Variants in ARHGAP10 observed in about 807,000 individuals in gnomAD.
The protein encoded by ARHGAP10 is rho GTPase-activating protein 10.
In ARHGAP10, 87 loss-of-function variants were observed where a neutral mutation model predicts 108.6. The ratio of observed to expected loss-of-function variants is 0.80; its 90% confidence interval spans 0.67 to 0.96. The LOEUF is 0.96. Ranked by LOEUF, ARHGAP10 falls within the 40% of genes least tolerant of loss-of-function variation. The pLI is 0.00. For missense variants in ARHGAP10, 939 were observed against 954.5 expected (o/e 0.98, Z 0.21); for synonymous variants, 347 against 341.1 (o/e 1.02, Z -0.19).
chr4:148,066,155 C>T (rs967604461), intron 22 of ARHGAP10, among the ~76,000 whole-genome samples: 3 of 152,068 alleles, frequency 2.0e-5, no homozygotes, highest in African/African-American at 4.8e-5. Flanking sequence ...GTTTCCCTGG[C>T]GGGAGCGAGA....
At chr4:147,943,195 A>G (rs1366865456) in intron 14 of ARHGAP10, among the ~76,000 whole-genome samples, 2 of 152,222 alleles carry the variant, frequency 1.3e-5, no homozygotes, top group Non-Finnish European at 2.9e-5. Context: ...AGAAGAGGAA[A>G]TTGTGAGAAA....
At chr4:147,873,624 G>A (rs1280006844) in intron 7 of ARHGAP10, among the ~76,000 whole-genome samples, 1 of 150,444 alleles carries the variant, frequency 6.6e-6, no homozygotes. Context: ...CCAGGAGTTC[G>A]AGACCAGCCT....
At chr4:147,862,148 A>C (rs578204649) in intron 5 of ARHGAP10, 1 of 152,530 alleles carries the variant, frequency 6.6e-6, no homozygotes, top group African/African-American at 2.4e-5. Flanking sequence ...TGGCATCCAA[A>C]GTCCAGAGGG....
chr4:148,010,628 T>C lies in ARHGAP10; in HGVS notation c.1717-12635T>C, dbSNP rs909837340. The stretch of plus-strand genomic sequence containing the variant: ...CTTCATCCCTAAATATTTGAATATG[T>C]GTCTCCTAAAAACAAGGACAAATTC... On this transcript the variant is annotated intron_variant, in intron 18 of 22. Transcript: ENST00000336498. 3.3e-5 allele frequency among the ~76,000 whole-genome samples: 5 copies of C among 152,214 alleles called. No individual in the cohort carries two copies. The East Asian group carries it at 9.6e-4, about 29-fold the overall frequency.
chr4:147,865,864 G>A (rs957048428), intron 6 of ARHGAP10: 2 of 152,160 alleles, frequency 1.3e-5, no homozygotes, highest in South Asian at 2.1e-4. Flanking sequence ...ATAATGGCCT[G>A]CTTTTATTGG....
intron 1 of ARHGAP10, among the ~76,000 whole-genome samples, chr4:147,753,378 C>G (rs1309708541): frequency 6.8e-6 from 1 of 148,082 alleles, no homozygotes; most frequent in Non-Finnish European, 1.5e-5. Flanking sequence ...GAGACACAGT[C>G]TGTTGTCCAG....
chr4:147,787,791 T>A (rs1730952939), intron 1 of ARHGAP10, among the ~76,000 whole-genome samples: 1 of 151,946 alleles, frequency 6.6e-6, no homozygotes, highest in Admixed American at 6.6e-5. Context: ...TATGGAGTAG[T>A]AACAGAACCT....
chr4:148,017,771 T>C (rs908605229), intron 18 of ARHGAP10, among the ~76,000 whole-genome samples: 10 of 151,672 alleles, frequency 6.6e-5, no homozygotes, highest in African/African-American at 2.2e-4. Context: ...ATTAATTCAG[T>C]TCAATCAAAT....
chr4:148,001,546 G>A (rs779296384), intron 18 of ARHGAP10, among the ~76,000 whole-genome samples: 2 of 151,992 alleles, frequency 1.3e-5, no homozygotes, highest in Non-Finnish European at 2.9e-5. Context: ...CTATCCATGA[G>A]TATGGAATGT....
chr4:147,837,830 G>T (rs1184038548), intron 3 of ARHGAP10, among the ~76,000 whole-genome samples: 1 of 151,774 alleles, frequency 6.6e-6, no homozygotes, highest in Non-Finnish European at 1.5e-5. Flanking sequence ...ATAGGAAGGG[G>T]TTTCAAGTGC....
intron 7 of ARHGAP10, among the ~76,000 whole-genome samples, chr4:147,868,107 TATAAA>T (rs1320144769): frequency 6.6e-6 from 1 of 152,148 alleles, no homozygotes; most frequent in Non-Finnish European, 1.5e-5. Context: ...TGAAAACAGT[TATAAA>T]ATATGTGGTA....
chr4:147,821,215 G>A (rs745429599), intron 1 of ARHGAP10, among the ~76,000 whole-genome samples: 1 of 152,016 alleles, frequency 6.6e-6, no homozygotes, highest in Non-Finnish European at 1.5e-5. Context: ...TCCTTGAGGT[G>A]GAGGCTCTGA....
chr4:147,858,931 C>T (rs1191594834), intron 5 of ARHGAP10, among the ~76,000 whole-genome samples: 1 of 152,208 alleles, frequency 6.6e-6, no homozygotes, highest in East Asian at 1.9e-4. Context: ...CCCATCTAGT[C>T]CATCAGTATG....
At chr4:147,852,183 C>T (rs1733899473) in intron 4 of ARHGAP10, among the ~76,000 whole-genome samples, 1 of 152,148 alleles carries the variant, frequency 6.6e-6, no homozygotes, top group Admixed American at 6.5e-5. Context: ...TCTCTGCATT[C>T]TGGGTTTAGG....
At chr4:147,997,740 G>A (rs1276582945) in intron 18 of ARHGAP10, among the ~76,000 whole-genome samples, 1 of 152,166 alleles carries the variant, frequency 6.6e-6, no homozygotes, top group Non-Finnish European at 1.5e-5. Flanking sequence ...TTAATTCTGA[G>A]GTTGATAAGT....
intron 19 of ARHGAP10, among the ~76,000 whole-genome samples, chr4:148,043,746 GTATATATGTATA>G (rs1285591073): frequency 7.3e-5 from 10 of 137,812 alleles, no homozygotes; most frequent in Admixed American, 3.0e-4. Context: ...GTATATATAT[GTATATATGTATA>G]TATATGTGTA....
chr4:147,833,154 A>G (rs1220752513), intron 3 of ARHGAP10, among the ~76,000 whole-genome samples: 1 of 152,164 alleles, frequency 6.6e-6, no homozygotes, highest in Non-Finnish European at 1.5e-5. Context: ...GCACAGAGGA[A>G]AAATATGTGT....
chr4:147,780,987 A>G (rs1730507386), intron 1 of ARHGAP10, among the ~76,000 whole-genome samples: 1 of 152,140 alleles, frequency 6.6e-6, no homozygotes, highest in Admixed American at 6.6e-5. Context: ...GAGAAGACGC[A>G]AGGGCTCAGA....
chr4:148,036,066 CTGTGTGTG>C lies in ARHGAP10; in HGVS notation c.1868-10794_1868-10787del, dbSNP rs61692055. Among the ~76,000 whole-genome samples, 17 of 142,762 alleles carry C rather than the reference CTGTGTGTG, an allele frequency of 1.2e-4. 1 individual carries two copies. In the South Asian group the frequency reaches 1.4e-3, roughly 12 times the overall value. 93.7% of individuals were successfully genotyped at this position (142,762 alleles called of 152,430 possible). A position where few individuals can be genotyped will look rare whatever the true frequency, so the allele number is the denominator to read the frequency against. On this transcript the variant is annotated intron_variant, in intron 19 of 22. Transcript: ENST00000336498. ...AATTTGTTTAATAAAGGAGCTGCCTCTGTGTGTGTGTGTGTGTGTGTGTGTGTGTGTGT... is the reference window on the plus strand; with the variant it reads ...AATTTGTTTAATAAAGGAGCTGCCTCTGTGTGTGTGTGTGTGTGTGTGTGT...
Sources: gnomAD v4.1 joint callset for allele counts (sites outside exome capture counted in the v4.1 genomes callset) on GRCh38, gnomAD v4.1.1 for gene constraint, MANE v1.5 for transcripts, NCBI Gene and HGNC (gene_info 2026-07-23, HGNC 2026-07-21) for gene names.